The following CHMP1A variants were observed in gnomAD, a reference collection of about 807,000 sequenced individuals.
CHMP1A encodes charged multivesicular body protein 1A.
A neutral mutation model predicts 27.0 loss-of-function variants in CHMP1A; 17 were observed. That is an observed-to-expected ratio of 0.63 (90% CI 0.43 to 0.95). The LOEUF is 0.95. CHMP1A is among the 40% of genes least tolerant of loss of function. The pLI, the probability that CHMP1A is intolerant of heterozygous loss-of-function variation, is 0.00. For missense variants in CHMP1A, 275 were observed against 264.0 expected, an observed-to-expected ratio of 1.04 and a Z score of -0.29; for synonymous variants, 131 against 107.5, an observed-to-expected ratio of 1.22 and a Z score of -1.35.
At chr16:89,653,571 C>T (rs1003629869) in intron 2 of CHMP1A, among the ~76,000 whole-genome samples, 12 of 146,822 alleles carry the variant, frequency 8.2e-5, no homozygotes, top group Non-Finnish European at 1.6e-4. Context: ...TGCAGTGAGC[C>T]GAGATCACGC....
At chr16:89,646,385 G>C in intron 6 of CHMP1A, 142 bp downstream of exon 6, 1 of 991,402 alleles carries the variant, frequency 1.0e-6, no homozygotes. Flanking sequence ...GCTGCAGCTG[G>C]GGCCTCTGAG....
intron 1 of CHMP1A, among the ~76,000 whole-genome samples, chr16:89,657,315 G>A (rs1248403005): frequency 1.3e-5 from 2 of 149,366 alleles, no homozygotes; most frequent in Admixed American, 1.3e-4. Flanking sequence ...TCGGGTATCG[G>A]GGGACGAGGC....
rs186070297 is a variant in CHMP1A at position 89,645,570 on chromosome 16, A to G, written c.*496T>C. 1 of 211,324 alleles carries G rather than the reference A, an allele frequency of 4.7e-6. No homozygotes were observed. 13.1% of individuals were successfully genotyped at this position (211,324 alleles called of 1,614,324 possible). On this transcript the variant is annotated 3_prime_UTR_variant, in exon 7 of 7. Transcript: ENST00000397901. ...ATGTCATTGTAAATACCACCAGGAC[A>G]GCGTTGGGTGGCACCTGACATCCCC...
At chr16:89,656,155 G>A (rs2059865999) in intron 1 of CHMP1A, among the ~76,000 whole-genome samples, 1 of 152,024 alleles carries the variant, frequency 6.6e-6, no homozygotes, top group African/African-American at 2.4e-5. Flanking sequence ...AATTTTTTTT[G>A]AGACGGAGTC....
intron 2 of CHMP1A, among the ~76,000 whole-genome samples, chr16:89,652,037 G>A (rs1480737539): frequency 1.3e-5 from 2 of 152,208 alleles, no homozygotes; most frequent in Non-Finnish European, 1.5e-5. Context: ...CTCATTTCAG[G>A]CTACCCCCAA....
chr16:89,657,294 G>A (rs1320537025), intron 1 of CHMP1A, among the ~76,000 whole-genome samples: 10 of 150,144 alleles, frequency 6.7e-5, no homozygotes, highest in East Asian at 4.0e-4. Context: ...CCCTGGGGAA[G>A]GGGTTCCGGG....
At position 89,657,614 on chromosome 16, in the gene CHMP1A, G is replaced by A. The variant is rs2059896294; in HGVS notation, c.-26C>T. 1.2e-6 allele frequency: 2 copies of A among 1,610,858 alleles called. No homozygotes were observed. Among genetic ancestry groups the A allele is most frequent in the Non-Finnish European group, 1.7e-6 (2 of 1,179,128 alleles). Reference sequence around the variant, plus strand: ...GGCCACAATGACAGGAGCAGCACTCGGAGAGGGAGAAGGGACGCCAACTCC... The same window carrying A: ...GGCCACAATGACAGGAGCAGCACTCAGAGAGGGAGAAGGGACGCCAACTCC... On this transcript the variant is annotated 5_prime_UTR_variant, in exon 1 of 7. Coordinates refer to ENST00000397901, the MANE Select transcript of CHMP1A (RefSeq NM_002768.5).
Position 89,646,986 on chromosome 16 carries a change from C to A in CHMP1A, c.381+217G>T, listed in dbSNP as rs74033818. ...CTTGTCTGCCATCCGAGCCTCCCCA[C>A]AAGGAGCCAGGTGCCTGCAGGAGGC... On this transcript the variant is annotated intron_variant, in intron 5 of 6. Transcript: ENST00000397901. 12,884 of 1,483,778 alleles carry A rather than the reference C, an allele frequency of 8.7e-3. 254 individuals are homozygous for A. The highest frequency in any genetic ancestry group is 0.08 in the African/African-American group (5,722 of 71,840). 91.9% of individuals were successfully genotyped at this position (1,483,778 alleles called of 1,614,324 possible). A position where few individuals can be genotyped will look rare whatever the true frequency, so the allele number is the denominator to read the frequency against.
intron 3 of CHMP1A, among the ~76,000 whole-genome samples, chr16:89,650,085 G>A (rs35749174): frequency 0.044 from 6,772 of 152,288 alleles, 209 homozygotes; most frequent in Non-Finnish European, 0.073. Context: ...CTGGGAGCCT[G>A]GCTGTGGGTG....
intron 1 of CHMP1A, among the ~76,000 whole-genome samples, chr16:89,656,795 A>G (rs1339928820): frequency 6.6e-6 from 1 of 152,136 alleles, no homozygotes; most frequent in African/African-American, 2.4e-5. Context: ...CGACATTCCA[A>G]GTCCCGAAAG....
intron 3 of CHMP1A, among the ~76,000 whole-genome samples, 184 bp downstream of exon 3, chr16:89,651,373 AAAACAAACAAAC>A (rs141950187): frequency 7.3e-5 from 11 of 149,672 alleles, no homozygotes; most frequent in Admixed American, 2.7e-4. Flanking sequence ...TCCGTCTCAA[AAAACAAACAAAC>A]AAACAAACAA....
intron 3 of CHMP1A, among the ~76,000 whole-genome samples, chr16:89,650,290 C>T (rs941623452): frequency 3.3e-5 from 5 of 152,136 alleles, no homozygotes; most frequent in African/African-American, 1.2e-4. Flanking sequence ...GCAATTCTCC[C>T]GCCTCAGCCT....
chr16:89,657,040 G>A (rs912314418), intron 1 of CHMP1A, among the ~76,000 whole-genome samples: 8 of 151,314 alleles, frequency 5.3e-5, no homozygotes, highest in African/African-American at 1.9e-4. Context: ...CCGGGGAAGG[G>A]GTCCCGAATC....
intron 2 of CHMP1A, among the ~76,000 whole-genome samples, chr16:89,652,906 A>T (rs1052188633): frequency 6.7e-5 from 10 of 149,978 alleles, no homozygotes; most frequent in Non-Finnish European, 1.5e-4. Context: ...TGCAACCTCC[A>T]CCCCACGTGG....
intron 1 of CHMP1A, among the ~76,000 whole-genome samples, chr16:89,656,822 A>G (rs1050820510): frequency 2.0e-5 from 3 of 152,046 alleles, no homozygotes; most frequent in African/African-American, 7.2e-5. Flanking sequence ...CAGGCATCGC[A>G]CAGTCCCCCC....
intron 1 of CHMP1A, among the ~76,000 whole-genome samples, chr16:89,656,864 T>C (rs892484270): frequency 4.6e-5 from 7 of 151,120 alleles, no homozygotes; most frequent in African/African-American, 1.7e-4. Flanking sequence ...CGCCTGACGC[T>C]GAGGAGTGCC....
intron 3 of CHMP1A, among the ~76,000 whole-genome samples, chr16:89,650,500 G>C (rs2059815830): frequency 6.6e-6 from 1 of 152,182 alleles, no homozygotes; most frequent in Non-Finnish European, 1.5e-5. Flanking sequence ...CTGTAGGGAG[G>C]AGAGAGCTAA....
intron 1 of CHMP1A, among the ~76,000 whole-genome samples, chr16:89,656,191 A>T (rs1263290140): frequency 6.6e-6 from 1 of 152,022 alleles, no homozygotes; most frequent in African/African-American, 2.4e-5. Flanking sequence ...GGCTGGAGTG[A>T]AGTGGCGCGA....
chr16:89,656,949 T>C (rs2059880727), intron 1 of CHMP1A, among the ~76,000 whole-genome samples: 1 of 135,324 alleles, frequency 7.4e-6, no homozygotes, highest in Non-Finnish European at 1.6e-5. Flanking sequence ...GTCGGGAGTC[T>C]AGGTCCCGGG....
Sources: gnomAD v4.1 joint callset for allele counts (sites outside exome capture counted in the v4.1 genomes callset) on GRCh38, gnomAD v4.1.1 for gene constraint, MANE v1.5 for transcripts, NCBI Gene and HGNC (gene_info 2026-07-23, HGNC 2026-07-21) for gene names.